EEFSEC: variants seen among roughly 807,000 people sequenced by gnomAD.
EEFSEC encodes the protein eukaryotic elongation factor, selenocysteine-tRNA specific.
In EEFSEC, 43 loss-of-function variants were observed where a neutral mutation model predicts 42.1. The observed-to-expected ratio is 1.02, with a 90% CI of 0.80 to 1.32. EEFSEC has a LOEUF of 1.32. Ranked by LOEUF, EEFSEC falls within the 40% of genes most tolerant of loss-of-function variation. The probability of loss-of-function intolerance (pLI) is 0.00; values close to 1 mark genes in which losing one functional copy is unlikely to be tolerated. For synonymous variants in EEFSEC, 354 were observed against 339.1 expected, an observed-to-expected ratio of 1.04 and a Z score of -0.48; for missense variants, 745 against 803.6, an observed-to-expected ratio of 0.93 and a Z score of 0.88.
At chr3:128,264,403 G>A (rs1576590915) in intron 3 of EEFSEC, among the ~76,000 whole-genome samples, 2 of 152,264 alleles carry the variant, frequency 1.3e-5, no homozygotes, top group East Asian at 1.9e-4. Flanking sequence ...CAGACTGAGC[G>A]GAAAGAGCTG....
chr3:128,257,303 C>G (rs1254916856), intron 2 of EEFSEC, among the ~76,000 whole-genome samples: 1 of 152,212 alleles, frequency 6.6e-6, no homozygotes, highest in African/African-American at 2.4e-5. Flanking sequence ...GACTTTAATT[C>G]TGTTGTGAGT....
intron 1 of EEFSEC, among the ~76,000 whole-genome samples, chr3:128,154,408 A>G (rs796518596): frequency 2.0e-5 from 3 of 151,908 alleles, no homozygotes; most frequent in South Asian, 2.1e-4. Flanking sequence ...TAAAGCTCAC[A>G]TAGAATTCAA....
At chr3:128,381,996 G>A (rs949283918) in intron 6 of EEFSEC, among the ~76,000 whole-genome samples, 20 of 152,286 alleles carry the variant, frequency 1.3e-4, no homozygotes, top group African/African-American at 4.8e-4. Flanking sequence ...ACCTCGGGAC[G>A]GGAGGAGACA....
At chr3:128,243,105 G>A (rs1465556568) in intron 1 of EEFSEC, among the ~76,000 whole-genome samples, 4 of 152,208 alleles carry the variant, frequency 2.6e-5, no homozygotes, top group Admixed American at 6.5e-5. Context: ...TGATGACCCC[G>A]GGTTTCCAGT....
At chr3:128,182,913 G>A (rs1398535829) in intron 1 of EEFSEC, among the ~76,000 whole-genome samples, 2 of 151,784 alleles carry the variant, frequency 1.3e-5, no homozygotes, top group Non-Finnish European at 2.9e-5. Flanking sequence ...TCTAGTAGTG[G>A]GGGTGGGCGG....
rs367571265 is a variant in EEFSEC at position 128,264,791 on chromosome 3, A to C, written c.786+10A>C. 64 of 1,611,476 alleles carry C rather than the reference A, an allele frequency of 4.0e-5. No individual in the cohort carries two copies. Among genetic ancestry groups the C allele is most frequent in the Non-Finnish European group, 5.3e-5 (62 of 1,178,316 alleles). ...GATCCCTGCCCTCAAGGTCAGTCTT[A>C]CCTTGTCTTCCCTTCTGGCCTCCTC... is the stretch of plus-strand genomic sequence containing the variant. On this transcript the variant is annotated intron_variant, in intron 4 of 6. Coordinates refer to ENST00000254730, the MANE Select transcript of EEFSEC (RefSeq NM_021937.5).
At chr3:128,365,475 G>C (rs974302990) in intron 6 of EEFSEC, among the ~76,000 whole-genome samples, 2 of 152,320 alleles carry the variant, frequency 1.3e-5, no homozygotes, top group South Asian at 2.1e-4. Context: ...TTCCAGGAAG[G>C]CTGAAAATTT....
At chr3:128,264,377 C>T (rs1045036694) in intron 3 of EEFSEC, among the ~76,000 whole-genome samples, 10 of 152,200 alleles carry the variant, frequency 6.6e-5, no homozygotes, top group Admixed American at 2.0e-4. Flanking sequence ...GAGGCTTCTC[C>T]AGGTGCCCTT....
At chr3:128,404,677 T>C (rs7643759) in intron 6 of EEFSEC, among the ~76,000 whole-genome samples, 8,873 of 152,296 alleles carry the variant, frequency 0.058, 841 homozygotes, top group African/African-American at 0.2. Context: ...CCACACTCTG[T>C]GCCCCATCCC....
intron 4 of EEFSEC, among the ~76,000 whole-genome samples, chr3:128,333,865 A>G (rs1299612076): frequency 6.6e-6 from 1 of 152,236 alleles, no homozygotes; most frequent in Non-Finnish European, 1.5e-5. Flanking sequence ...CAGAAAGCTA[A>G]GTTGAAAGAC....
chr3:128,353,571 C>T (rs1385398715), intron 5 of EEFSEC, among the ~76,000 whole-genome samples: 3 of 152,364 alleles, frequency 2.0e-5, no homozygotes, highest in South Asian at 2.1e-4. Context: ...GATGGGGCTG[C>T]CCAGTGCCCC....
intron 1 of EEFSEC, among the ~76,000 whole-genome samples, chr3:128,156,294 G>A (rs772077996): frequency 1.8e-4 from 28 of 152,232 alleles, no homozygotes; most frequent in Non-Finnish European, 3.5e-4. Context: ...AACCCTGCAA[G>A]GAGCGTGGTG....
At position 128,309,302 on chromosome 3, in the gene EEFSEC, G is replaced by A. The variant is rs11716992; in HGVS notation, c.787-31931G>A. Among the ~76,000 whole-genome samples the A allele has an allele frequency of 2.1e-3, 316 of 152,278 alleles. 1 individual carries two copies. The highest frequency in any genetic ancestry group is 3.7e-3 in the Non-Finnish European group (251 of 68,012). On this transcript the variant is annotated intron_variant, in intron 4 of 6. Coordinates refer to ENST00000254730, the MANE Select transcript of EEFSEC (RefSeq NM_021937.5). ...GGTGCAAAGAGGGCAGAGGGGAGGCGATAGCTGAGAGAGGGCCAGCTGGCG... is the reference window on the plus strand; with the variant it reads ...GGTGCAAAGAGGGCAGAGGGGAGGCAATAGCTGAGAGAGGGCCAGCTGGCG...
chr3:128,180,728 G>A (rs1380939213), intron 1 of EEFSEC, among the ~76,000 whole-genome samples: 1 of 152,226 alleles, frequency 6.6e-6, no homozygotes, highest in East Asian at 1.9e-4. Context: ...AGAGCAGCAG[G>A]TCCAGAGCCA....
chr3:128,315,420 C>T (rs1370495121), intron 4 of EEFSEC, among the ~76,000 whole-genome samples: 1 of 152,208 alleles, frequency 6.6e-6, no homozygotes, highest in Non-Finnish European at 1.5e-5. Flanking sequence ...GTAGGACCCT[C>T]CATGCCTTTA....
At chr3:128,411,590 C>T (rs2068174179), downstream of EEFSEC, among the ~76,000 whole-genome samples, 1 of 152,218 alleles carries the variant, frequency 6.6e-6, no homozygotes, top group South Asian at 2.1e-4. Context: ...CCCTCACCTG[C>T]CTGCCCACAT....
At chr3:128,196,846 C>T (rs1159969664) in intron 1 of EEFSEC, among the ~76,000 whole-genome samples, 2 of 152,150 alleles carry the variant, frequency 1.3e-5, no homozygotes, top group Admixed American at 6.6e-5. Flanking sequence ...CAAAGAGCCT[C>T]GCACAGTGTG....
At chr3:128,344,613 TC>T (rs1335449476) in intron 5 of EEFSEC, among the ~76,000 whole-genome samples, 1 of 152,174 alleles carries the variant, frequency 6.6e-6, no homozygotes. Flanking sequence ...TTCCACTTTG[TC>T]AGACAGATTC....
chr3:128,158,053 C>G (rs537996421), intron 1 of EEFSEC, among the ~76,000 whole-genome samples: 1 of 152,270 alleles, frequency 6.6e-6, no homozygotes, highest in South Asian at 2.1e-4. Flanking sequence ...GAGGTTGATT[C>G]CAACCCTCAT....
Sources: allele counts gnomAD v4.1 joint callset (sites outside exome capture counted in the v4.1 genomes callset), GRCh38; gene constraint gnomAD v4.1.1; transcripts MANE v1.5; gene names NCBI Gene and HGNC (gene_info 2026-07-23, HGNC 2026-07-21).